Variants in DHX57 observed in about 807,000 individuals in gnomAD.
DHX57 encodes putative ATP-dependent RNA helicase DHX57.
A neutral mutation model predicts 156.2 loss-of-function variants in DHX57; 105 were observed. That is an observed-to-expected ratio of 0.67 (90% CI 0.57 to 0.79). The LOEUF is 0.79. DHX57 is among the 30% of genes least tolerant of loss of function. The pLI is 0.00. For synonymous variants in DHX57, 704 were observed against 595.6 expected (o/e 1.18, Z -2.65); for missense variants, 1,847 against 1,661.9 (o/e 1.11, Z -1.94).
chr2:38,848,189 T>C (rs1672389295), intron 10 of DHX57, 80 bp downstream of exon 10: 2 of 1,366,392 alleles, frequency 1.5e-6, no homozygotes, highest in East Asian at 2.4e-5. Context: ...GAGGTATAAA[T>C]ATCTACTTAT....
At chr2:38,820,829 T>C (rs1558365990) in intron 17 of DHX57, among the ~76,000 whole-genome samples, 1 of 150,914 alleles carries the variant, frequency 6.6e-6, no homozygotes, top group Non-Finnish European at 1.5e-5. Context: ...TAAAGGCAGA[T>C]TGCTTATCAT....
intron 1 of DHX57, among the ~76,000 whole-genome samples, chr2:38,872,800 C>G (rs927949666): frequency 6.6e-6 from 1 of 152,126 alleles, no homozygotes; most frequent in Admixed American, 6.6e-5. Context: ...CAGTACCTCA[C>G]TTTTAATGGT....
chr2:38,847,141 A>G, intron 10 of DHX57, 68 bp from the exon 11 acceptor site: 2 of 1,239,732 alleles, frequency 1.6e-6, no homozygotes, highest in South Asian at 1.3e-5. Flanking sequence ...AATAGTTTAT[A>G]TATATAAAAT....
At chr2:38,836,635 G>A (rs984598195) in intron 13 of DHX57, among the ~76,000 whole-genome samples, 6 of 151,974 alleles carry the variant, frequency 3.9e-5, no homozygotes, top group Non-Finnish European at 5.9e-5. Flanking sequence ...TTAGCCAGGC[G>A]TGGAGGTGCA....
At chr2:38,857,626 C>T (rs559370576) in intron 6 of DHX57, among the ~76,000 whole-genome samples, 2 of 152,230 alleles carry the variant, frequency 1.3e-5, no homozygotes, top group South Asian at 4.2e-4. Flanking sequence ...AACTGGAGGG[C>T]CTAGAGAGCA....
At chr2:38,852,336 CT>C (rs58025139) in intron 9 of DHX57, among the ~76,000 whole-genome samples, 71,561 of 130,214 alleles carry the variant, frequency 0.55, 20,448 homozygotes, top group East Asian at 0.8. Context: ...GCCACCAATC[CT>C]TTTTTTTTTT....
chr2:38,804,318 C>G (rs1197849266), intron 22 of DHX57, among the ~76,000 whole-genome samples: 4 of 151,972 alleles, frequency 2.6e-5, no homozygotes, highest in African/African-American at 4.8e-5. Context: ...TGGTGAGACC[C>G]CGTCTCTACA....
chr2:38,837,091 C>G (rs1395445241), intron 13 of DHX57, among the ~76,000 whole-genome samples: 1 of 152,118 alleles, frequency 6.6e-6, no homozygotes, highest in African/African-American at 2.4e-5. Context: ...TCAAATGATT[C>G]ACCTTCCTTG....
At position 38,854,066 on chromosome 2, in the gene DHX57, C is replaced by G. The variant is rs772875782; in HGVS notation, c.2018G>C (p.Arg673Thr). The stretch of plus-strand genomic sequence containing the variant: ...GTCTTTGTTTTACCTTTCTTCTGTC[C>G]TCTCATGAACTTCATCAACAATGAT... ...SHIIVDEVHERTEESDFLLLV... is the reference protein window; with the variant it reads ...SHIIVDEVHETTEESDFLLLV... Residue 673 changes from arginine (R) to threonine (T), a missense_variant, in exon 9 of 24, where the codon AGG becomes ACG. Transcript: ENST00000457308. 6.2e-7 allele frequency: 1 copy of G among 1,610,784 alleles called. No individual in the cohort carries two copies. Among genetic ancestry groups the G allele is most frequent in the East Asian group, 2.2e-5 (1 of 44,818 alleles).
intron 23 of DHX57, among the ~76,000 whole-genome samples, chr2:38,798,948 C>T (rs1669532039): frequency 6.6e-6 from 1 of 151,426 alleles, no homozygotes; most frequent in South Asian, 2.1e-4. Flanking sequence ...GTCCCCCCTG[C>T]TCCCCAAAAA....
Position 38,809,394 on chromosome 2 carries a change from C to G in DHX57, c.3682-2701G>C, listed in dbSNP as rs747965683. Among the ~76,000 whole-genome samples the G allele has an allele frequency of 2.9e-3, 442 of 151,596 alleles. 2 individuals are homozygous for G. The highest frequency in any genetic ancestry group is 5.1e-3 in the Non-Finnish European group (344 of 67,788). ...CTCACCTCAGCCTTACAAAGTGCCACGAGCCACTATGCCCAGCCCAGTTTT... is the reference window on the plus strand; with the variant it reads ...CTCACCTCAGCCTTACAAAGTGCCAGGAGCCACTATGCCCAGCCCAGTTTT... On this transcript the variant is annotated intron_variant, in intron 21 of 23. Transcript: ENST00000457308.
intron 12 of DHX57, chr2:38,838,892 T>C: frequency 2.7e-6 from 1 of 374,658 alleles, no homozygotes; most frequent in Admixed American, 3.6e-5. Flanking sequence ...AACGATGTAG[T>C]TCTATAGGAT....
rs369713482 is a variant in DHX57, at chr2:38,798,249, C to G, written c.*50G>C. 17 of 1,571,388 alleles carry G rather than the reference C, an allele frequency of 1.1e-5. No homozygotes were observed. In the African/African-American group the frequency reaches 1.6e-4, roughly 15 times the overall value. Reference sequence around the variant, plus strand: ...GAGGTAGAGGTTCTGCTGTTATTTCCCAGGTGAGCTAGAAGCAGGTGAGTA... The same window carrying G: ...GAGGTAGAGGTTCTGCTGTTATTTCGCAGGTGAGCTAGAAGCAGGTGAGTA... On this transcript the variant is annotated 3_prime_UTR_variant, in exon 24 of 24. Transcript: ENST00000457308.
chr2:38,816,191 A>G, intron 19 of DHX57: 2 of 470,526 alleles, frequency 4.3e-6, no homozygotes, highest in South Asian at 3.1e-5. Context: ...TTTTCCTAGG[A>G]ATAGGGACAT....
Position 38,828,339 on chromosome 2 carries a change from C to T in DHX57, c.2639+1G>A, listed in dbSNP as rs913114061. The T allele has an allele frequency of 1.9e-6, 3 of 1,609,014 alleles. No individual in the cohort carries two copies. The highest frequency in any genetic ancestry group is 2.5e-6 in the Non-Finnish European group (3 of 1,177,260). ...AAGAATATAGAAAGCAATTAGCTTA[C>T]CGATTACTACGTCTGTTGTTGAAAA... is the stretch of plus-strand genomic sequence containing the variant. On this transcript the variant is annotated splice_donor_variant, in intron 14 of 23. Coordinates refer to ENST00000457308, the MANE Select transcript of DHX57 (RefSeq NM_198963.3). LOFTEE classifies it high-confidence loss of function.
In DHX57 at chr2:38,823,204, G is replaced by A. The variant is rs1404404825; in HGVS notation, c.3080C>T (p.Pro1027Leu). The change falls in exon 17 of 24, where the codon CCT becomes CTT. Residue 1027 changes from proline (P) to leucine (L), a missense_variant. Transcript: ENST00000457308. ...LQSVFSRLIE[P>L]PHTDSLRASK... ...GGCACGAAGAGAATCGGTGTGTGGA[G>A]GTTCAATGAGCCGAGAGAACACAGA... 9 of 1,614,004 alleles carry A rather than the reference G, an allele frequency of 5.6e-6. No individual in the cohort carries two copies. The highest frequency in any genetic ancestry group is 1.7e-5 in the Admixed American group (1 of 59,994).
chr2:38,849,787 C>T (rs918106142), intron 9 of DHX57, among the ~76,000 whole-genome samples: 5 of 152,204 alleles, frequency 3.3e-5, no homozygotes, highest in Non-Finnish European at 7.3e-5. Flanking sequence ...TACTGGGCTT[C>T]TCCTAGCCCT....
chr2:38,831,534 T>C (rs1236321660), intron 13 of DHX57, among the ~76,000 whole-genome samples: 2 of 152,148 alleles, frequency 1.3e-5, no homozygotes, highest in African/African-American at 4.8e-5. Context: ...GCTTGATTTT[T>C]TTCAGTAATA....
chr2:38,811,439 G>A (rs900139761), intron 21 of DHX57: 3 of 609,896 alleles, frequency 4.9e-6, no homozygotes, highest in African/African-American at 1.8e-5. Flanking sequence ...CAGGCCAGAT[G>A]AACTCCTCCA....
Sources: gnomAD v4.1 joint callset for allele counts (sites outside exome capture counted in the v4.1 genomes callset) on GRCh38, gnomAD v4.1.1 for gene constraint, MANE v1.5 for transcripts, NCBI Gene and HGNC (gene_info 2026-07-23, HGNC 2026-07-21) for gene names.